Variants in SNX19 observed in about 807,000 individuals in gnomAD.
The protein encoded by SNX19 is sorting nexin 19.
Under a neutral mutation model 85.2 loss-of-function variants are expected in SNX19, and 60 were observed. The ratio of observed to expected loss-of-function variants is 0.70; its 90% CI spans 0.57 to 0.87. SNX19 has a LOEUF of 0.87. Among genes scored for constraint, SNX19 ranks in the 40% least tolerant of loss-of-function variants. The probability of loss-of-function intolerance (pLI) is 0.00; values close to 1 mark genes in which losing one functional copy is unlikely to be tolerated. For missense variants in SNX19, 1,201 were observed against 1,217.8 expected (o/e 0.99, Z 0.21); for synonymous variants, 520 against 470.0 (o/e 1.11, Z -1.38).
intron 8 of SNX19, among the ~76,000 whole-genome samples, chr11:130,896,097 A>G (rs1944856367): frequency 6.6e-6 from 1 of 152,230 alleles, no homozygotes; most frequent in African/African-American, 2.4e-5. Flanking sequence ...ATGACTGGAG[A>G]GCCAGAAAAT....
chr11:130,886,981 G>A (rs1474104121), intron 8 of SNX19, among the ~76,000 whole-genome samples: 1 of 152,146 alleles, frequency 6.6e-6, no homozygotes, highest in African/African-American at 2.4e-5. Flanking sequence ...AACCCCGAGG[G>A]CAAGAAACTA....
chr11:130,897,099 T>C (rs1037647638), intron 8 of SNX19, among the ~76,000 whole-genome samples: 4 of 152,136 alleles, frequency 2.6e-5, no homozygotes, highest in Non-Finnish European at 5.9e-5. Context: ...TGACCTTTCC[T>C]AGGAGATGGT....
In SNX19 at chr11:130,876,421, G is replaced by T. The variant is rs1364941466; in HGVS notation, c.*2001C>A. The T allele has an allele frequency of 1.3e-5, 2 of 152,594 alleles. No individual in the cohort carries two copies. Among genetic ancestry groups the T allele is most frequent in the Non-Finnish European group, 2.9e-5 (2 of 68,028 alleles). 9.5% of individuals were successfully genotyped at this position (152,594 alleles called of 1,614,324 possible). A position where few individuals can be genotyped will look rare whatever the true frequency, so the allele number is the denominator to read the frequency against. ...TTTGGGGTACGTGGAGTAGAGGTGG[G>T]GACTCTTATATAATACGAAATAAAA... On this transcript the variant is annotated 3_prime_UTR_variant, in exon 11 of 11. Coordinates refer to ENST00000265909, the MANE Select transcript of SNX19 (RefSeq NM_014758.3).
intron 8 of SNX19, among the ~76,000 whole-genome samples, chr11:130,884,062 A>G (rs1943879665): frequency 6.6e-6 from 1 of 152,234 alleles, no homozygotes; most frequent in African/African-American, 2.4e-5. Flanking sequence ...CTGGTTCTTG[A>G]GAGCAATGAA....
intron 8 of SNX19, among the ~76,000 whole-genome samples, chr11:130,890,911 T>C (rs1944452673): frequency 6.6e-6 from 1 of 151,658 alleles, no homozygotes; most frequent in African/African-American, 2.4e-5. Flanking sequence ...TTTTGTATTT[T>C]GATCACTTAA....
At chr11:130,887,095 C>A (rs759475797) in intron 8 of SNX19, among the ~76,000 whole-genome samples, 29 of 152,216 alleles carry the variant, frequency 1.9e-4, no homozygotes, top group Non-Finnish European at 4.0e-4. Flanking sequence ...GGATCCACAT[C>A]TTTGAATCAT....
At chr11:130,914,201 C>T (rs1367228646) in intron 1 of SNX19, 65 bp downstream of exon 1, 3 of 1,379,170 alleles carry the variant, frequency 2.2e-6, no homozygotes, top group Non-Finnish European at 3.0e-6. Context: ...AGAACATTTG[C>T]TTCATGACTG....
chr11:130,888,250 T>C (rs1267088185), intron 8 of SNX19, among the ~76,000 whole-genome samples: 2 of 152,244 alleles, frequency 1.3e-5, no homozygotes, highest in Non-Finnish European at 2.9e-5. Flanking sequence ...TTAATTTTCA[T>C]CATCTAGAGT....
At chr11:130,906,548 A>C (rs567872307) in intron 6 of SNX19, 77 bp downstream of exon 6, 23 of 1,007,250 alleles carry the variant, frequency 2.3e-5, no homozygotes, top group Non-Finnish European at 3.3e-5. Flanking sequence ...ACTTCAGAGA[A>C]TATCTCAACT....
intron 8 of SNX19, among the ~76,000 whole-genome samples, chr11:130,897,303 T>C (rs3794136): frequency 0.64 from 96,401 of 151,690 alleles, 30,913 homozygotes; most frequent in South Asian, 0.8. Context: ...CCTTTCCCCC[T>C]GGCTTTCTGC....
In SNX19 at chr11:130,875,636, T is replaced by C. The variant is rs888019594; in HGVS notation, c.*2786A>G. Reference sequence around the variant, plus strand: ...ACATGCTCTCACTCATAGGTGGGAATTGAACAATGAGAACACTTGGACACA... The same window carrying C: ...ACATGCTCTCACTCATAGGTGGGAACTGAACAATGAGAACACTTGGACACA... On this transcript the variant is annotated 3_prime_UTR_variant, in exon 11 of 11. Transcript: ENST00000265909. 1 of 148,446 alleles carries C rather than the reference T, an allele frequency of 6.7e-6. No individual in the cohort carries two copies. The highest frequency in any genetic ancestry group is 7.1e-5 in the Admixed American group (1 of 14,004). 9.2% of individuals were successfully genotyped at this position (148,446 alleles called of 1,614,324 possible).
chr11:130,905,781 T>C (rs768785802), intron 7 of SNX19, 172 bp downstream of exon 7: 23 of 1,538,450 alleles, frequency 1.5e-5, no homozygotes, highest in Non-Finnish European at 1.7e-5. Context: ...GTGGCAACTA[T>C]GTACTACTCA....
intron 8 of SNX19, among the ~76,000 whole-genome samples, chr11:130,885,910 G>C (rs182803498): frequency 3.9e-5 from 6 of 152,264 alleles, no homozygotes; most frequent in African/African-American, 1.4e-4. Context: ...TTTCAACGTT[G>C]GTACTACTGA....
Position 130,868,711 on chromosome 11 carries a change from A to G in SNX19, c.*9711T>C, listed in dbSNP as rs1942886201. ...CACCCCATGCCCAGTATACTCTTAG[A>G]GCAGAGAGGAGGTCTGGAGGAGACA... On this transcript the variant is annotated 3_prime_UTR_variant, in exon 11 of 11. Coordinates refer to ENST00000265909, the MANE Select transcript of SNX19 (RefSeq NM_014758.3). 6.6e-6 allele frequency: 1 copy of G among 152,134 alleles called. No individual in the cohort carries two copies. Among genetic ancestry groups the G allele is most frequent in the Admixed American group, 6.6e-5 (1 of 15,264 alleles). The allele number at this position is 152,134 out of a possible 1,614,324, so 9.4% of individuals were successfully genotyped here. A position where few individuals can be genotyped will look rare whatever the true frequency, so the allele number is the denominator to read the frequency against.
intron 8 of SNX19, among the ~76,000 whole-genome samples, chr11:130,896,239 C>A (rs985980352): frequency 1.3e-5 from 2 of 152,086 alleles, no homozygotes; most frequent in African/African-American, 4.8e-5. Flanking sequence ...CAGAGCTGAA[C>A]TGGAAGAAAA....
rs1250965332 is a variant in SNX19 at position 130,878,557 on chromosome 11, G to A, written c.2847-3C>T. ...CCCCAAGGCAGTAAATCAAATGCCT[G>A]AAACGAATGGACAAAAAACTTAGGG... On this transcript the variant is annotated splice_region_variant and splice_polypyrimidine_tract_variant and intron_variant, in intron 10 of 10. Transcript: ENST00000265909. 1 of 1,612,192 alleles carries A rather than the reference G, an allele frequency of 6.2e-7. No individual in the cohort carries two copies. The highest frequency in any genetic ancestry group is 1.7e-5 in the Admixed American group (1 of 59,840).
At chr11:130,888,691 G>GC (rs1030432916) in intron 8 of SNX19, among the ~76,000 whole-genome samples, 15 of 152,104 alleles carry the variant, frequency 9.9e-5, no homozygotes, top group Non-Finnish European at 1.9e-4. Flanking sequence ...TTTTAAAAAG[G>GC]CAAGATATCT....
chr11:130,903,593 T>C (rs549267380), intron 7 of SNX19, among the ~76,000 whole-genome samples: 256 of 152,180 alleles, frequency 1.7e-3, no homozygotes, highest in African/African-American at 5.6e-3. Flanking sequence ...TTTTTATTAA[T>C]GTTCCTGATA....
At chr11:130,907,842 C>T (rs1228330726) in intron 5 of SNX19, 111 bp downstream of exon 5, 3 of 1,513,176 alleles carry the variant, frequency 2.0e-6, no homozygotes, top group Non-Finnish European at 1.8e-6. Context: ...ACTGGTATGT[C>T]TGACCCACCT....
Sources: gnomAD v4.1 joint callset for allele counts (sites outside exome capture counted in the v4.1 genomes callset) on GRCh38, gnomAD v4.1.1 for gene constraint, MANE v1.5 for transcripts, NCBI Gene and HGNC (gene_info 2026-07-23, HGNC 2026-07-21) for gene names.